Variants in ITGB3 observed in about 807,000 individuals in gnomAD.
ITGB3 encodes the protein integrin beta-3.
In ITGB3, 48 loss-of-function variants were observed where a neutral mutation model predicts 85.8. That is an observed-to-expected ratio of 0.56 (90% CI 0.44 to 0.71). The LOEUF is 0.71. Among genes scored for constraint, ITGB3 ranks in the 30% least tolerant of loss-of-function variants. ITGB3 has a pLI of 0.00. For missense variants in ITGB3, 861 were observed against 1,019.1 expected (o/e 0.84, Z 2.11); for synonymous variants, 363 against 395.6 (o/e 0.92, Z 0.98).
intron 2 of ITGB3, among the ~76,000 whole-genome samples, chr17:47,281,029 A>C (rs1393965356): frequency 1.3e-5 from 2 of 152,208 alleles, no homozygotes; most frequent in African/African-American, 4.8e-5. Flanking sequence ...CTTACCTGTA[A>C]GATTGGGTTC....
intron 1 of ITGB3, among the ~76,000 whole-genome samples, chr17:47,260,495 C>T (rs2065005283): frequency 6.6e-6 from 1 of 152,204 alleles, no homozygotes; most frequent in African/African-American, 2.4e-5. Flanking sequence ...AAGACATATT[C>T]AGTAGCCACT....
chr17:47,305,316 G>A (rs964111615), intron 13 of ITGB3, among the ~76,000 whole-genome samples: 3 of 152,256 alleles, frequency 2.0e-5, no homozygotes, highest in Middle Eastern at 3.4e-3. Flanking sequence ...GTAATTTGGC[G>A]GGTTGGGAGA....
chr17:47,268,713 T>G (rs539406052), intron 1 of ITGB3, among the ~76,000 whole-genome samples: 49 of 152,334 alleles, frequency 3.2e-4, no homozygotes, highest in Admixed American at 7.8e-4. Context: ...ATTGAATGTC[T>G]GTGGCTTTTC....
chr17:47,289,333 T>C (rs527579188), intron 6 of ITGB3, among the ~76,000 whole-genome samples: 73 of 145,030 alleles, frequency 5.0e-4, no homozygotes, highest in South Asian at 1.4e-3. Context: ...GTCACCCCCC[T>C]TTTTTTTTTA....
In ITGB3 at chr17:47,276,980, G is replaced by A. The variant is rs552946874; in HGVS notation, c.165+2476G>A. On this transcript the variant is annotated intron_variant, in intron 2 of 14. Coordinates refer to ENST00000559488, the MANE Select transcript of ITGB3 (RefSeq NM_000212.3). Reference sequence around the variant, plus strand: ...CCTGGAAAAACAACTGGTTGGGCTCGGCTTTCCCCTTGGTCCTAGAGGACC... The same window carrying A: ...CCTGGAAAAACAACTGGTTGGGCTCAGCTTTCCCCTTGGTCCTAGAGGACC... Among the ~76,000 whole-genome samples, 5 of 152,214 alleles carry A rather than the reference G, an allele frequency of 3.3e-5. No homozygotes were observed. In the East Asian group the frequency reaches 5.8e-4, roughly 18 times the overall value.
chr17:47,287,760 A>AT (rs2065108602), intron 6 of ITGB3, among the ~76,000 whole-genome samples: 1 of 151,914 alleles, frequency 6.6e-6, no homozygotes, highest in African/African-American at 2.4e-5. Flanking sequence ...AAATGCAAAA[A>AT]TTCGTTGAGT....
rs1356542706 is a variant in ITGB3, at chr17:47,311,597, C to T, written c.*1393C>T. On this transcript the variant is annotated 3_prime_UTR_variant, in exon 15 of 15. Transcript: ENST00000559488. ...CACTCCCACTTGGCATCATTCACAG[C>T]AAGTCACTGGCCAGTGGCTGGATCT... The T allele has an allele frequency of 6.6e-6, 1 of 152,236 alleles. No individual in the cohort carries two copies. The highest frequency in any genetic ancestry group is 1.5e-5 in the Non-Finnish European group (1 of 68,078). 9.4% of individuals were successfully genotyped at this position (152,236 alleles called of 1,614,324 possible). A position where few individuals can be genotyped will look rare whatever the true frequency, so the allele number is the denominator to read the frequency against.
intron 10 of ITGB3, among the ~76,000 whole-genome samples, chr17:47,295,498 T>C (rs1335491413): frequency 6.6e-6 from 1 of 152,194 alleles, no homozygotes; most frequent in East Asian, 1.9e-4. Context: ...GTGCCAGTCC[T>C]GTGACATTAC....
intron 9 of ITGB3, 52 bp downstream of exon 9, chr17:47,291,140 C>A: frequency 6.2e-7 from 1 of 1,611,308 alleles, no homozygotes; most frequent in Non-Finnish European, 8.5e-7. Context: ...GGGCACCCAA[C>A]CCCCTTTCTT....
At position 47,302,768 on chromosome 17, in the gene ITGB3, G is replaced by A. The variant is rs761100281; in HGVS notation, c.2062G>A (p.Asp688Asn). 4.3e-6 allele frequency: 7 copies of A among 1,614,094 alleles called. No homozygotes were observed. The highest frequency in any genetic ancestry group is 5.9e-6 in the Non-Finnish European group (7 of 1,179,920). The change falls in exon 13 of 15, where the codon GAC (aspartate) becomes AAC (asparagine). Residue 688 changes from aspartate to asparagine, a missense_variant. Asp to Asn is a conservative substitution (Grantham distance 23). Coordinates refer to ENST00000559488, the MANE Select transcript of ITGB3 (RefSeq NM_000212.3). ...GAATTGTACCTATAAGAATGAGGAT[G>A]ACTGTGTCGTCAGATTCCAGTACTA... is the stretch of plus-strand genomic sequence containing the variant. ...AVNCTYKNED[D>N]CVVRFQYYED...
rs549621407 is a variant in ITGB3 at position 47,283,913 on chromosome 17, G to A, written c.361+364G>A. ...CAAATGAGATATAGAACAAGAAAGC[G>A]ACTTGTAAGCCCCCCTTTCATGGGG... On this transcript the variant is annotated intron_variant, in intron 3 of 14. Coordinates refer to ENST00000559488, the MANE Select transcript of ITGB3 (RefSeq NM_000212.3). 1.1e-3 allele frequency among the ~76,000 whole-genome samples: 165 copies of A among 152,288 alleles called. 1 individual carries two copies. The highest frequency in any genetic ancestry group is 3.9e-3 in the African/African-American group (160 of 41,550).
At chr17:47,298,944 C>A (rs1415853403) in intron 10 of ITGB3, among the ~76,000 whole-genome samples, 1 of 152,210 alleles carries the variant, frequency 6.6e-6, no homozygotes, top group Admixed American at 6.5e-5. Flanking sequence ...AAAGAGCTTG[C>A]TTCTAGTTCT....
At chr17:47,301,104 C>T (rs990953503) in intron 12 of ITGB3, among the ~76,000 whole-genome samples, 1 of 152,060 alleles carries the variant, frequency 6.6e-6, no homozygotes, top group Non-Finnish European at 1.5e-5. Flanking sequence ...CTCTCTGGGG[C>T]CCCTTTTGAA....
intron 1 of ITGB3, among the ~76,000 whole-genome samples, chr17:47,273,039 TG>T (rs2065051096): frequency 6.6e-6 from 1 of 152,048 alleles, no homozygotes; most frequent in South Asian, 2.1e-4. Context: ...CCTCCCAAAG[TG>T]GGGAGATTAC....
At chr17:47,306,703 T>C (rs1245421415) in intron 13 of ITGB3, among the ~76,000 whole-genome samples, 2 of 152,042 alleles carry the variant, frequency 1.3e-5, no homozygotes, top group African/African-American at 2.4e-5. Flanking sequence ...TATTTTGAGA[T>C]GGAGTTTTGC....
At chr17:47,308,377 G>A (rs2065198360) in intron 14 of ITGB3, among the ~76,000 whole-genome samples, 1 of 151,966 alleles carries the variant, frequency 6.6e-6, no homozygotes, top group South Asian at 2.1e-4. Flanking sequence ...AATGTCCAGA[G>A]TTAGGCTGCA....
In ITGB3 at chr17:47,296,541, G is replaced by A. The variant is rs145417760; in HGVS notation, c.1691-2767G>A. The stretch of plus-strand genomic sequence containing the variant: ...GAGCCACCATGCTTGGCCTTTGAAG[G>A]TTTTTAAGCAGGTGAGTTACATGAT... On this transcript the variant is annotated intron_variant, in intron 10 of 14. Coordinates refer to ENST00000559488, the MANE Select transcript of ITGB3 (RefSeq NM_000212.3). Among the ~76,000 whole-genome samples, 620 of 152,270 alleles carry A rather than the reference G, an allele frequency of 4.1e-3. 4 individuals carry two copies. The highest frequency in any genetic ancestry group is 7.2e-3 in the Non-Finnish European group (491 of 68,016).
chr17:47,283,681 G>T (rs13306485), intron 3 of ITGB3, 132 bp downstream of exon 3: 1 of 845,372 alleles, frequency 1.2e-6, no homozygotes, highest in South Asian at 1.4e-5. Context: ...GATGAGGGGG[G>T]AGGTGTGGGC....
intron 1 of ITGB3, among the ~76,000 whole-genome samples, chr17:47,261,010 G>C (rs984092821): frequency 1.3e-4 from 20 of 152,216 alleles, no homozygotes; most frequent in African/African-American, 4.8e-4. Flanking sequence ...CAATTTTCAG[G>C]TAGATGACAT....
Sources: allele counts gnomAD v4.1 joint callset (sites outside exome capture counted in the v4.1 genomes callset), GRCh38; gene constraint gnomAD v4.1.1; transcripts MANE v1.5; gene names NCBI Gene and HGNC (gene_info 2026-07-23, HGNC 2026-07-21).